Variants in DLC1 observed in about 807,000 individuals in gnomAD.
The protein encoded by DLC1 is DLC1 Rho GTPase activating protein, also known as rho GTPase-activating protein 7.
In DLC1, 54 loss-of-function variants were observed where a neutral mutation model predicts 140.3. That is an observed-to-expected ratio of 0.38 (90% CI 0.31 to 0.48). The LOEUF is 0.48. Ranked by LOEUF, DLC1 falls within the 20% of genes least tolerant of loss-of-function variation. The pLI is 0.96. For missense variants in DLC1, 2,536 were observed against 1,907.0 expected, an observed-to-expected ratio of 1.33 and a Z score of -6.14; for synonymous variants, 986 against 728.1, an observed-to-expected ratio of 1.35 and a Z score of -5.70.
chr8:13,564,927 C>T (rs1331007000), intron 1 of DLC1, among the ~76,000 whole-genome samples: 3 of 152,178 alleles, frequency 2.0e-5, no homozygotes, highest in Non-Finnish European at 1.5e-5. Context: ...CAGCCTTCAG[C>T]CACAGCTTGG....
At chr8:13,143,079 C>A (rs1823132114) in intron 5 of DLC1, among the ~76,000 whole-genome samples, 1 of 147,700 alleles carries the variant, frequency 6.8e-6, no homozygotes, top group South Asian at 2.1e-4. Flanking sequence ...GAGGGAGAAA[C>A]TAACCAATAT....
chr8:13,496,660 T>A (rs1337660387), intron 2 of DLC1, among the ~76,000 whole-genome samples: 1 of 152,086 alleles, frequency 6.6e-6, no homozygotes, highest in African/African-American at 2.4e-5. Context: ...CTGCTACTGT[T>A]GTTTTTCAGT....
intron 6 of DLC1, among the ~76,000 whole-genome samples, chr8:13,114,689 G>T (rs1208004203): frequency 6.6e-6 from 1 of 152,182 alleles, no homozygotes; most frequent in Non-Finnish European, 1.5e-5. Context: ...AATAAAAAGA[G>T]CCCTTATAAA....
intron 5 of DLC1, among the ~76,000 whole-genome samples, chr8:13,170,466 C>T (rs957756823): frequency 2.6e-5 from 4 of 152,142 alleles, no homozygotes; most frequent in South Asian, 4.1e-4. Context: ...CGCGGTGGCT[C>T]ACGCCTGTAA....
At chr8:13,598,745 A>G (rs1805765804) in intron 1 of DLC1, among the ~76,000 whole-genome samples, 1 of 151,990 alleles carries the variant, frequency 6.6e-6, no homozygotes, top group Non-Finnish European at 1.5e-5. Flanking sequence ...CAATTTATGC[A>G]TTGGCCTTAG....
At chr8:13,542,929 C>T (rs945768514) in intron 1 of DLC1, among the ~76,000 whole-genome samples, 1 of 151,968 alleles carries the variant, frequency 6.6e-6, no homozygotes, top group Non-Finnish European at 1.5e-5. Flanking sequence ...AGTTTTATTT[C>T]AGTATTTTGG....
intron 1 of DLC1, among the ~76,000 whole-genome samples, chr8:13,532,115 C>T (rs897646350): frequency 3.3e-5 from 5 of 152,196 alleles, no homozygotes; most frequent in African/African-American, 1.2e-4. Flanking sequence ...ATTTCAAAAG[C>T]CAGAAGAGGC....
At chr8:13,087,441 A>C (rs556531) in intron 16 of DLC1, among the ~76,000 whole-genome samples, 135,370 of 152,266 alleles carry the variant, frequency 0.89, 60,241 homozygotes, top group South Asian at 0.95. Context: ...AGATGCAACT[A>C]CTTGATCTTG....
chr8:13,110,843 A>C lies in DLC1; in HGVS notation c.1421-20T>G. The C allele has an allele frequency of 1.2e-6, 2 of 1,612,636 alleles. No individual in the cohort carries two copies. Among genetic ancestry groups the C allele is most frequent in the Non-Finnish European group, 1.7e-6 (2 of 1,179,048 alleles). On this transcript the variant is annotated intron_variant, in intron 6 of 17. Coordinates refer to ENST00000276297, the MANE Select transcript of DLC1 (RefSeq NM_182643.3). ...GGAAATCTATGAGAAAAATAAACAG[A>C]TGTATTTGTTGAGCGCCTAAAACCC...
rs57616143 is a variant in DLC1, at chr8:13,103,091, A to G, written c.1503-238T>C. ...TTTGGGAGGCCTAGGCGGGTGGATCACGAGGTCAGGAGAGCGAGACCATCC... is the reference window on the plus strand; with the variant it reads ...TTTGGGAGGCCTAGGCGGGTGGATCGCGAGGTCAGGAGAGCGAGACCATCC... On this transcript the variant is annotated intron_variant, in intron 7 of 17. Transcript: ENST00000276297. 4.7e-3 allele frequency among the ~76,000 whole-genome samples: 713 copies of G among 152,050 alleles called. 14 individuals are homozygous for G. The highest frequency in any genetic ancestry group is 0.046 in the East Asian group (235 of 5,110).
chr8:13,211,823 C>A (rs546706688), intron 5 of DLC1, among the ~76,000 whole-genome samples: 8 of 152,238 alleles, frequency 5.3e-5, no homozygotes, highest in African/African-American at 1.9e-4. Context: ...AGAAAACAAA[C>A]CCCCAAATTG....
At chr8:13,599,590 A>G (rs1217139524) in intron 1 of DLC1, among the ~76,000 whole-genome samples, 3 of 152,144 alleles carry the variant, frequency 2.0e-5, no homozygotes, top group African/African-American at 7.2e-5. Context: ...CTAGAAATAA[A>G]CTACGGAAGT....
chr8:13,085,997 A>T (rs1446413598), intron 17 of DLC1, 66 bp from the exon 18 acceptor site: 2 of 1,590,204 alleles, frequency 1.3e-6, no homozygotes, highest in Non-Finnish European at 1.7e-6. Context: ...ATAAAATGAG[A>T]AACATCTGTT....
At chr8:13,515,282 T>G (rs180904206), upstream of DLC1, among the ~76,000 whole-genome samples, 2 of 152,186 alleles carry the variant, frequency 1.3e-5, no homozygotes, top group Admixed American at 6.5e-5. Context: ...AAAACCTTTT[T>G]TGAACATGAC....
At chr8:13,330,460 T>C (rs569189132) in intron 4 of DLC1, among the ~76,000 whole-genome samples, 27 of 152,372 alleles carry the variant, frequency 1.8e-4, no homozygotes, top group African/African-American at 6.5e-4. Flanking sequence ...TACAGGTCTG[T>C]TGATCTCTGC....
At chr8:13,392,424 C>T (rs1008085410) in intron 4 of DLC1, among the ~76,000 whole-genome samples, 19 of 152,068 alleles carry the variant, frequency 1.2e-4, no homozygotes, top group African/African-American at 2.2e-4. Flanking sequence ...TTAAGCCATG[C>T]GTATCTGTCA....
At chr8:13,566,582 G>T (rs17225114) in intron 1 of DLC1, among the ~76,000 whole-genome samples, 70,539 of 151,980 alleles carry the variant, frequency 0.46, 16,647 homozygotes, top group East Asian at 0.61. Flanking sequence ...GGGCGTACAC[G>T]TTCGGATTTG....
intron 1 of DLC1, among the ~76,000 whole-genome samples, chr8:13,588,229 C>G (rs1805397567): frequency 6.6e-6 from 1 of 151,994 alleles, no homozygotes; most frequent in Non-Finnish European, 1.5e-5. Flanking sequence ...AAAAAATAGA[C>G]AAACCCTGGT....
At chr8:13,102,728 A>G (rs2128939532) in intron 8 of DLC1, 62 bp downstream of exon 8, 1 of 1,409,694 alleles carries the variant, frequency 7.1e-7, no homozygotes, top group East Asian at 2.3e-5. Context: ...TACAAAACAC[A>G]TCATTCACTT....
Sources: gnomAD v4.1 joint callset for allele counts (sites outside exome capture counted in the v4.1 genomes callset) on GRCh38, gnomAD v4.1.1 for gene constraint, MANE v1.5 for transcripts, NCBI Gene and HGNC (gene_info 2026-07-23, HGNC 2026-07-21) for gene names.